PRKCE: variants seen among roughly 807,000 people sequenced by gnomAD.
PRKCE encodes the protein protein kinase C epsilon.
PRKCE carries 16 observed loss-of-function variants against 85.4 expected under a neutral mutation model. The observed-to-expected ratio is 0.19, with a 90% CI of 0.13 to 0.28. PRKCE has a LOEUF of 0.28. Ranked by LOEUF, PRKCE falls within the 10% of genes least tolerant of loss-of-function variation. The pLI, the probability that PRKCE is intolerant of heterozygous loss-of-function variation, is 1.00. For synonymous variants in PRKCE, 388 were observed against 371.5 expected, an observed-to-expected ratio of 1.04 and a Z score of -0.51; for missense variants, 573 against 975.2, an observed-to-expected ratio of 0.59 and a Z score of 5.49.
At chr2:45,794,534 G>A (rs911965569) in intron 1 of PRKCE, among the ~76,000 whole-genome samples, 1 of 152,152 alleles carries the variant, frequency 6.6e-6, no homozygotes, top group Non-Finnish European at 1.5e-5. Context: ...CTGATGCACG[G>A]CTTTCTGTGG....
chr2:46,114,396 A>C (rs994344654), intron 11 of PRKCE, among the ~76,000 whole-genome samples: 2 of 138,688 alleles, frequency 1.4e-5, no homozygotes, highest in African/African-American at 5.3e-5. Context: ...TTGCCCTCCC[A>C]GAGTCCAAGG....
At chr2:46,175,975 T>C (rs1479292650) in intron 14 of PRKCE, among the ~76,000 whole-genome samples, 1 of 152,124 alleles carries the variant, frequency 6.6e-6, no homozygotes, top group African/African-American at 2.4e-5. Flanking sequence ...CTTATGGAGC[T>C]TTAAAAACTC....
intron 11 of PRKCE, among the ~76,000 whole-genome samples, chr2:46,142,285 G>A (rs1675616384): frequency 6.6e-6 from 1 of 152,152 alleles, no homozygotes; most frequent in Non-Finnish European, 1.5e-5. Flanking sequence ...GGCAAGTTTA[G>A]TCCCAGAGGT....
intron 10 of PRKCE, among the ~76,000 whole-genome samples, chr2:46,012,790 A>G (rs1705796467): frequency 6.6e-6 from 1 of 152,234 alleles, no homozygotes; most frequent in African/African-American, 2.4e-5. Context: ...TGTGCGTTGT[A>G]GAATAACAAG....
intron 2 of PRKCE, among the ~76,000 whole-genome samples, chr2:45,915,681 C>T (rs914714688): frequency 6.6e-6 from 1 of 152,170 alleles, no homozygotes; most frequent in Non-Finnish European, 1.5e-5. Flanking sequence ...TTTAGCTCAG[C>T]AGAGCGTGGT....
At chr2:45,902,816 A>G (rs1356325693) in intron 2 of PRKCE, among the ~76,000 whole-genome samples, 1 of 152,228 alleles carries the variant, frequency 6.6e-6, no homozygotes, top group Non-Finnish European at 1.5e-5. Flanking sequence ...TAGGGTTAAT[A>G]GCTATTAGAA....
At chr2:45,821,191 G>A (rs749170291) in intron 1 of PRKCE, among the ~76,000 whole-genome samples, 4 of 152,204 alleles carry the variant, frequency 2.6e-5, no homozygotes, top group Non-Finnish European at 4.4e-5. Context: ...GTTGGTGATT[G>A]ATGGAAAGGA....
chr2:45,812,302 C>G (rs1024256136), intron 1 of PRKCE, among the ~76,000 whole-genome samples: 3 of 152,206 alleles, frequency 2.0e-5, no homozygotes, highest in Non-Finnish European at 4.4e-5. Context: ...TGAGAAGCCA[C>G]AGATCTTGTA....
chr2:46,099,715 T>C (rs901926628), intron 11 of PRKCE, among the ~76,000 whole-genome samples: 1 of 152,212 alleles, frequency 6.6e-6, no homozygotes, highest in Admixed American at 6.5e-5. Context: ...GATAAATGTA[T>C]AGTTATACCC....
At chr2:45,974,300 G>A (rs1017435318) in intron 2 of PRKCE, among the ~76,000 whole-genome samples, 50 of 152,338 alleles carry the variant, frequency 3.3e-4, no homozygotes, top group African/African-American at 9.6e-4. Flanking sequence ...GGGTCCTCCC[G>A]TGAGAATTTG....
rs118016610 is a variant in PRKCE, at chr2:45,696,782, G to A, written c.348+44334G>A. 5.4e-3 allele frequency among the ~76,000 whole-genome samples: 817 copies of A among 152,216 alleles called. 3 individuals are homozygous for A. The highest frequency in any genetic ancestry group is 0.012 in the Admixed American group (183 of 15,286). ...ACAGAGTGAAATCTGGCCACCATGC[G>A]GCCTCTCATCCTGATAACAAGCTTT... On this transcript the variant is annotated intron_variant, in intron 1 of 14. Transcript: ENST00000306156.
chr2:45,848,840 A>C (rs1050625437), intron 2 of PRKCE, among the ~76,000 whole-genome samples: 3 of 152,234 alleles, frequency 2.0e-5, no homozygotes, highest in Non-Finnish European at 4.4e-5. Flanking sequence ...AGAGTTCTCC[A>C]AGTAGGAATA....
intron 1 of PRKCE, among the ~76,000 whole-genome samples, chr2:45,744,482 T>C (rs1368549580): frequency 0.056 from 3,166 of 56,544 alleles, 186 homozygotes; most frequent in South Asian, 0.11. Flanking sequence ...TCTTTCTTTC[T>C]TTCTTTTTCT....
rs1437026185 is a variant in PRKCE, at chr2:46,010,558, T to C, written c.1437+41T>C. 6 of 1,597,948 alleles carry C rather than the reference T, an allele frequency of 3.8e-6. No individual in the cohort carries two copies. The Admixed American group carries it at 6.7e-5, about 18-fold the overall frequency. On this transcript the variant is annotated intron_variant, in intron 10 of 14. Coordinates refer to ENST00000306156, the MANE Select transcript of PRKCE (RefSeq NM_005400.3). ...GCTGGCTGGCTGCCATGTTGGGGCATCTTGACTATCAGATAAAATACCAAT... is the reference window on the plus strand; with the variant it reads ...GCTGGCTGGCTGCCATGTTGGGGCACCTTGACTATCAGATAAAATACCAAT...
At chr2:46,062,053 G>C (rs746866307) in intron 10 of PRKCE, among the ~76,000 whole-genome samples, 15 of 151,446 alleles carry the variant, frequency 9.9e-5, no homozygotes, top group Non-Finnish European at 2.1e-4. Flanking sequence ...GTAGAGACAG[G>C]GTTTCGCCAT....
intron 1 of PRKCE, among the ~76,000 whole-genome samples, chr2:45,723,415 C>A (rs7563790): frequency 0.15 from 22,278 of 152,106 alleles, 1,741 homozygotes; most frequent in Non-Finnish European, 0.17. Context: ...ATTTTCAACA[C>A]AGATGTGCTT....
At chr2:45,822,644 C>A (rs1037554256) in intron 1 of PRKCE, among the ~76,000 whole-genome samples, 2 of 152,180 alleles carry the variant, frequency 1.3e-5, no homozygotes, top group Non-Finnish European at 2.9e-5. Context: ...TAACTAAGAA[C>A]AGCTTGGCAA....
At position 45,884,598 on chromosome 2, in the gene PRKCE, C is replaced by G. The variant is rs1695107339; in HGVS notation, c.412+41535C>G. Reference sequence around the variant, plus strand: ...AGGGAGGCAGCACATGCCTTGTAAACTGCAAGGAATTTTGCAGCTGCAAAA... The same window carrying G: ...AGGGAGGCAGCACATGCCTTGTAAAGTGCAAGGAATTTTGCAGCTGCAAAA... On this transcript the variant is annotated intron_variant, in intron 2 of 14. Transcript: ENST00000306156. 2.6e-5 allele frequency among the ~76,000 whole-genome samples: 4 copies of G among 152,178 alleles called. No homozygotes were observed. In the South Asian group the frequency reaches 8.3e-4, roughly 32 times the overall value.
intron 1 of PRKCE, among the ~76,000 whole-genome samples, chr2:45,738,008 A>G (rs1413598124): frequency 6.6e-6 from 1 of 151,994 alleles, no homozygotes; most frequent in Non-Finnish European, 1.5e-5. Context: ...ACCTCCTGGC[A>G]GGTCCTGACA....
Sources: allele counts gnomAD v4.1 joint callset (sites outside exome capture counted in the v4.1 genomes callset), GRCh38; gene constraint gnomAD v4.1.1; transcripts MANE v1.5; gene names NCBI Gene and HGNC (gene_info 2026-07-23, HGNC 2026-07-21).